Variants in EOGT observed in about 807,000 individuals in gnomAD.
The protein encoded by EOGT is EGF domain specific O-linked N-acetylglucosamine transferase.
EOGT carries 55 observed loss-of-function variants against 70.5 expected under a neutral mutation model. The observed-to-expected ratio is 0.78, with a 90% CI of 0.63 to 0.98. The LOEUF is 0.98. EOGT is among the 50% of genes least tolerant of loss of function. The probability of loss-of-function intolerance (pLI) is 0.00; values close to 1 mark genes in which losing one functional copy is unlikely to be tolerated. For missense variants in EOGT, 703 were observed against 641.9 expected (o/e 1.10, Z -1.03); for synonymous variants, 246 against 217.1 (o/e 1.13, Z -1.17).
At chr3:69,003,874 G>C (rs2107354745) in intron 8 of EOGT, among the ~76,000 whole-genome samples, 1 of 152,196 alleles carries the variant, frequency 6.6e-6, no homozygotes, top group East Asian at 1.9e-4. Context: ...TTTAATATAT[G>C]TGTATTGTTT....
intron 9 of EOGT, among the ~76,000 whole-genome samples, chr3:68,998,541 T>C (rs370935100): frequency 6.6e-6 from 1 of 152,200 alleles, no homozygotes; most frequent in Non-Finnish European, 1.5e-5. Flanking sequence ...CATGCCTAGC[T>C]TGATCAGTTG....
In EOGT at chr3:68,977,697, A is replaced by G; in HGVS notation, c.1505T>C (p.Met502Thr). 6.2e-7 allele frequency: 1 copy of G among 1,614,026 alleles called. No homozygotes were observed. Among genetic ancestry groups the G allele is most frequent in the Non-Finnish European group, 8.5e-7 (1 of 1,179,964 alleles). ...TNYSFDVEEFMYLVLQAADHV... is the reference protein window; with the variant it reads ...TNYSFDVEEFTYLVLQAADHV... ...GTCTGCAGCCTGAAGGACAAGATAC[A>G]TAAATTCTTCTACATCGAAAGAGTA... is the stretch of plus-strand genomic sequence containing the variant. The change falls in exon 18 of 18, where the codon ATG becomes ACG. Residue 502 changes from methionine to threonine, a missense_variant. Coordinates refer to ENST00000383701, the MANE Select transcript of EOGT (RefSeq NM_001278689.2).
intron 6 of EOGT, among the ~76,000 whole-genome samples, chr3:69,006,186 G>A (rs2091435847): frequency 6.6e-6 from 1 of 152,160 alleles, no homozygotes; most frequent in Admixed American, 6.5e-5. Context: ...GTGCAAGATA[G>A]GGGTTGTCAT....
chr3:69,001,179 C>T (rs1005859865), intron 9 of EOGT, among the ~76,000 whole-genome samples: 8 of 151,932 alleles, frequency 5.3e-5, no homozygotes, highest in African/African-American at 9.7e-5. Context: ...AGGATGGTCT[C>T]GATCTCCTGA....
chr3:68,984,731 G>A (rs1049679619), intron 14 of EOGT, among the ~76,000 whole-genome samples: 5 of 152,016 alleles, frequency 3.3e-5, no homozygotes, highest in African/African-American at 7.3e-5. Flanking sequence ...TGGGCAATGC[G>A]CATGACTGGA....
intron 10 of EOGT, among the ~76,000 whole-genome samples, chr3:68,992,476 G>T (rs2091020600): frequency 1.3e-5 from 2 of 152,210 alleles, no homozygotes; most frequent in African/African-American, 4.8e-5. Flanking sequence ...CATGAAGTGG[G>T]TTCCCACAGT....
At chr3:68,983,004 C>T in intron 14 of EOGT, 132 bp from the exon 15 acceptor site, 2 of 507,394 alleles carry the variant, frequency 3.9e-6, no homozygotes, top group Non-Finnish European at 6.9e-6. Flanking sequence ...ACAACAACAA[C>T]AAATAAAAAG....
At position 68,988,533 on chromosome 3, in the gene EOGT, C is replaced by A. The variant is rs928125038; in HGVS notation, c.969G>T (p.Arg323Ser). Residue 323 changes from arginine (R) to serine (S), a missense_variant, in exon 12 of 18, where the codon AGG (arginine) becomes AGT (serine). Physicochemically the swap from Arg to Ser is moderately radical, Grantham distance 110. Transcript: ENST00000383701. ...GAGGAGTATTATAGAACAGCCCATA[C>A]CTCATGCGGGGGAGTAATGAAAAAA... The part of the protein sequence containing the change: ...EAVFSLLPRM[R>S]YGLFYNTPLI... 9 of 1,533,548 alleles carry A rather than the reference C, an allele frequency of 5.9e-6. No individual in the cohort carries two copies. In the African/African-American group the frequency reaches 1.2e-4, roughly 21 times the overall value. The allele number at this position is 1,533,548 out of a possible 1,614,324, so 95.0% of individuals were successfully genotyped here.
At chr3:68,990,348 C>CTTTTT (rs56046605) in intron 10 of EOGT, among the ~76,000 whole-genome samples, 9 of 107,892 alleles carry the variant, frequency 8.3e-5, no homozygotes, top group African/African-American at 1.4e-4. Flanking sequence ...TTACCACATG[C>CTTTTT]TTTTTTTTTT....
chr3:68,978,856 C>T lies in EOGT; in HGVS notation c.1335-421G>A, dbSNP rs145197216. ...GAGTTTTCTCAGTTACATTTCTCTC[C>T]CTTCTCTCTCCTTTCTTCCATCCTT... is the stretch of plus-strand genomic sequence containing the variant. On this transcript the variant is annotated intron_variant, in intron 16 of 17. Transcript: ENST00000383701. Among the ~76,000 whole-genome samples the T allele has an allele frequency of 1.9e-3, 294 of 152,250 alleles. 1 individual carries two copies. Among genetic ancestry groups the T allele is most frequent in the African/African-American group, 6.3e-3 (262 of 41,554 alleles).
intron 1 of EOGT, 39 bp downstream of exon 1, chr3:69,013,535 G>A (rs2091633373): frequency 6.5e-6 from 1 of 152,710 alleles, no homozygotes; most frequent in Non-Finnish European, 1.4e-5. Context: ...GCGGGAAGGA[G>A]AGCGGGGGAA....
In EOGT at chr3:69,009,649, A is replaced by G; in HGVS notation, c.198T>C (p.Leu66=). 6.2e-7 allele frequency: 1 copy of G among 1,613,014 alleles called. No individual in the cohort carries two copies. The highest frequency in any genetic ancestry group is 8.5e-7 in the Non-Finnish European group (1 of 1,179,024). The change falls in exon 4 of 18, where the codon CTT becomes CTC. Residue 66 remains leucine, a synonymous_variant. Transcript: ENST00000383701. ...AAATAATACCTACCTTATATGGACAAAGAGAGTCTTTCCTACAGACAGTGG... is the reference window on the plus strand; with the variant it reads ...AAATAATACCTACCTTATATGGACAGAGAGAGTCTTTCCTACAGACAGTGG... ...HIATVCRKDS[L]CPYKKHLEKL...
At chr3:68,985,176 C>T (rs1049229571) in intron 14 of EOGT, among the ~76,000 whole-genome samples, 4 of 152,186 alleles carry the variant, frequency 2.6e-5, no homozygotes, top group Non-Finnish European at 5.9e-5. Context: ...TACTGTTGAT[C>T]TGTTGGCTAG....
intron 15 of EOGT, 59 bp from the exon 16 acceptor site, chr3:68,979,846 G>C (rs186454192): frequency 6.5e-7 from 1 of 1,533,850 alleles, no homozygotes; most frequent in East Asian, 2.3e-5. Flanking sequence ...ATTAGGTTGA[G>C]TTAGTTCATG....
At chr3:69,013,450 T>C (rs1028945958) in intron 1 of EOGT, 124 bp downstream of exon 1, 1 of 151,970 alleles carries the variant, frequency 6.6e-6, no homozygotes, top group African/African-American at 2.4e-5. Context: ...AGTGCGTGCG[T>C]AGGCTATAGC....
At chr3:68,987,407 G>T (rs1459865664) in intron 14 of EOGT, 38 bp downstream of exon 14, 7 of 1,286,254 alleles carry the variant, frequency 5.4e-6, no homozygotes, top group Non-Finnish European at 7.9e-6. Flanking sequence ...TCTATGAATT[G>T]AATATGAAGG....
chr3:69,004,460 T>C lies in EOGT; in HGVS notation c.538A>G (p.Ser180Gly). The C allele has an allele frequency of 6.2e-7, 1 of 1,613,904 alleles. No individual in the cohort carries two copies. The highest frequency in any genetic ancestry group is 8.5e-7 in the Non-Finnish European group (1 of 1,179,798). Residue 180 changes from serine to glycine, a missense_variant, in exon 8 of 18, where the codon AGT becomes GGT. Ser to Gly is a moderately conservative substitution (Grantham distance 56). Coordinates refer to ENST00000383701, the MANE Select transcript of EOGT (RefSeq NM_001278689.2). ...HDRFKEDFFQSGEIGGHCKLD... is the reference protein window; with the variant it reads ...HDRFKEDFFQGGEIGGHCKLD... The stretch of plus-strand genomic sequence containing the variant: ...TTACAGTGCCCTCCAATTTCACCAC[T>C]CTGGAAAAAGTCCTCCTTAAATCTG...
chr3:68,998,171 A>T (rs2091203489), intron 9 of EOGT, 57 bp from the exon 10 acceptor site: 2 of 912,620 alleles, frequency 2.2e-6, no homozygotes, highest in Admixed American at 2.1e-5. Context: ...TGATCAAGCA[A>T]GTTTTATTCT....
chr3:69,009,942 A>C (rs907361136), intron 3 of EOGT, 82 bp from the exon 4 acceptor site: 14 of 731,442 alleles, frequency 1.9e-5, no homozygotes, highest in African/African-American at 1.3e-4. Context: ...ACAAAAAAAA[A>C]AAAAAAACAA....
Sources: gnomAD v4.1 joint callset for allele counts (sites outside exome capture counted in the v4.1 genomes callset) on GRCh38, gnomAD v4.1.1 for gene constraint, MANE v1.5 for transcripts, NCBI Gene and HGNC (gene_info 2026-07-23, HGNC 2026-07-21) for gene names.